The following EIF4A3 variants were observed in gnomAD, a reference collection of about 807,000 sequenced individuals.
EIF4A3 encodes the protein eukaryotic translation initiation factor 4A3, also known as eukaryotic initiation factor 4A-III.
EIF4A3 carries 1 observed loss-of-function variant against 55.6 expected under a neutral mutation model. The ratio of observed to expected loss-of-function variants is 0.02; its 90% CI spans 0.01 to 0.09. EIF4A3 has a LOEUF of 0.09. Among genes scored for constraint, EIF4A3 ranks in the 10% least tolerant of loss-of-function variants. The pLI is 1.00. For missense variants in EIF4A3, 221 were observed against 540.7 expected (o/e 0.41, Z 5.86); for synonymous variants, 194 against 196.3 (o/e 0.99, Z 0.10).
intron 1 of EIF4A3, 75 bp from the exon 2 acceptor site, chr17:80,144,319 G>A (rs1008825189): frequency 7.1e-5 from 100 of 1,411,902 alleles, no homozygotes; most frequent in South Asian, 1.3e-4. Context: ...CTCCTCAGGG[G>A]CAGACATGGT....
intron 7 of EIF4A3, 37 bp from the exon 8 acceptor site, chr17:80,138,317 C>A (rs1426045466): frequency 6.2e-7 from 1 of 1,609,456 alleles, no homozygotes; most frequent in Non-Finnish European, 8.5e-7. Context: ...CATACTCATC[C>A]TTCCTTCTAG....
intron 2 of EIF4A3, among the ~76,000 whole-genome samples, chr17:80,143,464 T>C (rs1318510856): frequency 6.6e-6 from 1 of 152,116 alleles, no homozygotes. Flanking sequence ...GACTGAGCCG[T>C]CAACCTGCAG....
rs1365560549 is a variant in EIF4A3, at chr17:80,135,158, AAAAG to A, written c.*328_*331del. 3 of 235,306 alleles carry A rather than the reference AAAAG, an allele frequency of 1.3e-5. No homozygotes were observed. Among genetic ancestry groups the A allele is most frequent in the East Asian group, 7.9e-5 (1 of 12,670 alleles). 14.6% of individuals were successfully genotyped at this position (235,306 alleles called of 1,614,324 possible). The stretch of plus-strand genomic sequence containing the variant: ...CAGAGGGAGACTGTCTCAAAAAAAA[AAAAG>A]AAAAAGAAAAGAAAAAAAGAAAAGT... On this transcript the variant is annotated 3_prime_UTR_variant, in exon 12 of 12. Coordinates refer to ENST00000649764, the MANE Select transcript of EIF4A3 (RefSeq NM_014740.4).
chr17:80,145,011 C>T (rs924961572), intron 1 of EIF4A3, among the ~76,000 whole-genome samples: 1 of 152,034 alleles, frequency 6.6e-6, no homozygotes, highest in African/African-American at 2.4e-5. Context: ...TGGGGCATAG[C>T]GAAAAATAAG....
At chr17:80,143,581 T>C (rs1191411369) in intron 2 of EIF4A3, among the ~76,000 whole-genome samples, 1 of 152,186 alleles carries the variant, frequency 6.6e-6, no homozygotes, top group African/African-American at 2.4e-5. Context: ...CTGATGACTG[T>C]TGTGGTGGTG....
Position 80,138,303 on chromosome 17 carries a change from G to A in EIF4A3, c.729-23C>T, listed in dbSNP as rs770271848. ...TCACTGAAGGACAAAGACAAATCCT[G>A]TTACATACTCATCCTTCCTTCTAGG... On this transcript the variant is annotated intron_variant, in intron 7 of 11. Transcript: ENST00000649764. 17 of 1,612,470 alleles carry A rather than the reference G, an allele frequency of 1.1e-5. No homozygotes were observed. The Admixed American group carries it at 2.8e-4, about 27-fold the overall frequency.
At chr17:80,140,178 G>T in intron 4 of EIF4A3, 38 bp from the exon 5 acceptor site, 1 of 1,493,356 alleles carries the variant, frequency 6.7e-7, no homozygotes, top group South Asian at 1.3e-5. Context: ...GGGTGGGAGA[G>T]AGAAACATCC....
intron 5 of EIF4A3, 122 bp downstream of exon 5, chr17:80,139,886 G>T (rs992789571): frequency 4.0e-6 from 6 of 1,511,482 alleles, no homozygotes; most frequent in Middle Eastern, 1.8e-4. Flanking sequence ...TCTACCTCCT[G>T]CAAGTGACCC....
chr17:80,141,689 T>G (rs929860483), intron 3 of EIF4A3, 93 bp downstream of exon 3: 10 of 1,351,134 alleles, frequency 7.4e-6, no homozygotes, highest in Non-Finnish European at 1.0e-5. Context: ...CTAGAAAATT[T>G]TAAATTGTAC....
chr17:80,137,313 G>A, intron 9 of EIF4A3, 73 bp downstream of exon 9: 1 of 1,337,238 alleles, frequency 7.5e-7, no homozygotes. Context: ...CCTGCACTTA[G>A]GCGGTACATA....
chr17:80,142,783 C>T (rs957487333), intron 2 of EIF4A3, among the ~76,000 whole-genome samples: 1 of 152,178 alleles, frequency 6.6e-6, no homozygotes, highest in African/African-American at 2.4e-5. Context: ...CAGTGGCTCA[C>T]GCCTGTAATC....
In EIF4A3 at chr17:80,137,395, G is replaced by A. The variant is rs779973276; in HGVS notation, c.974C>T (p.Ser325Leu). Residue 325 changes from serine (S) to leucine (L), a missense_variant, in exon 9 of 12, where the codon TCG becomes TTG. Around this residue, in one of 4 missense-constraint regions of EIF4A3, gnomAD observed 93 missense variants for 278.5 expected, o/e 0.33. Transcript: ENST00000649764. Reference protein sequence around the residue: ...ERESIMKEFRSGASRVLISTD... With the variant: ...ERESIMKEFRLGASRVLISTD... ...AGCATAGCAGACCCACCTGGCGCCCGACCGGAACTCCTTCATGATGGACTC... is the reference window on the plus strand; with the variant it reads ...AGCATAGCAGACCCACCTGGCGCCCAACCGGAACTCCTTCATGATGGACTC... The A allele has an allele frequency of 5.6e-6, 9 of 1,613,372 alleles. No individual in the cohort carries two copies. Among genetic ancestry groups the A allele is most frequent in the East Asian group, 2.2e-5 (1 of 44,822 alleles).
At chr17:80,146,082 T>C (rs1390496829) in intron 1 of EIF4A3, among the ~76,000 whole-genome samples, 4 of 151,906 alleles carry the variant, frequency 2.6e-5, no homozygotes, top group Non-Finnish European at 2.9e-5. Context: ...TAAATGAAAT[T>C]CAAATTATTC....
intron 9 of EIF4A3, chr17:80,136,818 A>T (rs1429282159): frequency 6.5e-6 from 1 of 153,970 alleles, no homozygotes; most frequent in Non-Finnish European, 1.4e-5. Context: ...ATGAAAAAAA[A>T]AAAAAAAAAT....
At chr17:80,135,921 A>G (rs548792983) in intron 11 of EIF4A3, 83 bp downstream of exon 11, 16 of 1,544,482 alleles carry the variant, frequency 1.0e-5, no homozygotes, top group Admixed American at 2.1e-5. Flanking sequence ...AACCCACAAC[A>G]ACAAAAAAAC....
Position 80,138,135 on chromosome 17 carries a change from C to T in EIF4A3, c.867+7G>A. 1 of 1,613,752 alleles carries T rather than the reference C, an allele frequency of 6.2e-7. No individual in the cohort carries two copies. Among genetic ancestry groups the T allele is most frequent in the Non-Finnish European group, 8.5e-7 (1 of 1,179,696 alleles). ...TCAGCACATGGATGCTGTGCAGTGC[C>T]TCTTACCTTTCTTTTGGTGTTGCAG... is the stretch of plus-strand genomic sequence containing the variant. On this transcript the variant is annotated splice_region_variant and intron_variant, in intron 8 of 11. Coordinates refer to ENST00000649764, the MANE Select transcript of EIF4A3 (RefSeq NM_014740.4).
At position 80,138,929 on chromosome 17, in the gene EIF4A3, C is replaced by T. The variant is rs147471756; in HGVS notation, c.728+92G>A. On this transcript the variant is annotated intron_variant, in intron 7 of 11. Transcript: ENST00000649764. ...CACGAGCTTCAGCAACACAGCCAGA[C>T]TCTGGCTATAAAAAGTTTTTGAAAT... is the stretch of plus-strand genomic sequence containing the variant. The T allele has an allele frequency of 3.3e-5, 50 of 1,522,638 alleles. No homozygotes were observed. In the African/African-American group the frequency reaches 5.6e-4, roughly 17 times the overall value. 94.3% of individuals were successfully genotyped at this position (1,522,638 alleles called of 1,614,324 possible). A position where few individuals can be genotyped will look rare whatever the true frequency, so the allele number is the denominator to read the frequency against.
In EIF4A3 at chr17:80,145,573, A is replaced by G. The variant is rs138281907; in HGVS notation, c.169+1220T>C. ...GAGCAGGACTGTCAGAAGGAAAAGG[A>G]AGAAAGAAAAGGAAGAGAACTACAG... is the stretch of plus-strand genomic sequence containing the variant. On this transcript the variant is annotated intron_variant, in intron 1 of 11. Coordinates refer to ENST00000649764, the MANE Select transcript of EIF4A3 (RefSeq NM_014740.4). Among the ~76,000 whole-genome samples, 358 of 152,272 alleles carry G rather than the reference A, an allele frequency of 2.4e-3. 3 individuals carry two copies. Among genetic ancestry groups the G allele is most frequent in the African/African-American group, 8.4e-3 (349 of 41,546 alleles).
In EIF4A3 at chr17:80,134,556, G is replaced by A. The variant is rs900771626; in HGVS notation, c.*934C>T. Among the ~76,000 whole-genome samples the A allele has an allele frequency of 3.9e-5, 6 of 152,164 alleles. No homozygotes were observed. Among genetic ancestry groups the A allele is most frequent in the African/African-American group, 1.4e-4 (6 of 41,510 alleles). On this transcript the variant is annotated 3_prime_UTR_variant, in exon 12 of 12. Transcript: ENST00000649764. ...TAGAAAAATGAGGCCAGGCATGGTGGCTCACACCTGTTATCCCAGCACTTT... is the reference window on the plus strand; with the variant it reads ...TAGAAAAATGAGGCCAGGCATGGTGACTCACACCTGTTATCCCAGCACTTT...
Sources: gnomAD v4.1 joint callset for allele counts (sites outside exome capture counted in the v4.1 genomes callset) on GRCh38, gnomAD v4.1.1 for gene constraint, gnomAD v4.1.1 regional missense constraint, MANE v1.5 for transcripts, NCBI Gene and HGNC (gene_info 2026-07-23, HGNC 2026-07-21) for gene names.